Variants in PCDH15 observed in about 807,000 individuals in gnomAD.
PCDH15 encodes protocadherin related 15, also known as protocadherin-15.
Under a neutral mutation model 178.5 loss-of-function variants are expected in PCDH15, and 129 were observed. The observed-to-expected ratio is 0.72, with a 90% confidence interval of 0.63 to 0.84. PCDH15 has a LOEUF of 0.84. Among genes scored for constraint, PCDH15 ranks in the 40% least tolerant of loss-of-function variants. The probability of loss-of-function intolerance (pLI) is 0.00; values close to 1 mark genes in which losing one functional copy is unlikely to be tolerated. For missense variants in PCDH15, 2,230 were observed against 2,099.9 expected (o/e 1.06, Z -1.21); for synonymous variants, 800 against 732.0 (o/e 1.09, Z -1.50).
At chr10:54,358,839 T>G (rs998078417) in intron 5 of PCDH15, among the ~76,000 whole-genome samples, 21 of 151,854 alleles carry the variant, frequency 1.4e-4, no homozygotes, top group African/African-American at 5.1e-4. Flanking sequence ...CCATAAAAAA[T>G]GATGAGTTCA....
chr10:54,855,849 C>A (rs926143186), intron 3 of PCDH15, among the ~76,000 whole-genome samples: 1 of 152,092 alleles, frequency 6.6e-6, no homozygotes, highest in Non-Finnish European at 1.5e-5. Context: ...TTGTCAATAG[C>A]AGAAGTCATT....
chr10:53,958,051 G>A (rs2087808296), intron 23 of PCDH15, among the ~76,000 whole-genome samples: 1 of 152,118 alleles, frequency 6.6e-6, no homozygotes, highest in African/African-American at 2.4e-5. Flanking sequence ...GGTTCAGTGG[G>A]TTAAGTGCTT....
intron 2 of PCDH15, among the ~76,000 whole-genome samples, chr10:54,555,121 G>T (rs1321813420): frequency 2.6e-5 from 4 of 152,248 alleles, no homozygotes; most frequent in African/African-American, 9.6e-5. Context: ...TTAATTCCCT[G>T]ATGTCCCATT....
chr10:54,232,924 C>CTTTTTTTTTTTTTTTT (rs762364718), intron 9 of PCDH15, among the ~76,000 whole-genome samples: 28 of 109,196 alleles, frequency 2.6e-4, no homozygotes, highest in African/African-American at 7.8e-4. Flanking sequence ...AGCTTTCTTT[C>CTTTTTTTTTTTTTTTT]TTTTTTTTTT....
chr10:55,058,074 A>G (rs2131995744), intron 2 of PCDH15, among the ~76,000 whole-genome samples: 1 of 152,280 alleles, frequency 6.6e-6, no homozygotes, highest in African/African-American at 2.4e-5. Context: ...AAGTGTCTTA[A>G]TAATTATGAA....
chr10:54,181,372 ATATT>A (rs1358458055), intron 13 of PCDH15, among the ~76,000 whole-genome samples: 3 of 152,080 alleles, frequency 2.0e-5, no homozygotes, highest in Admixed American at 2.0e-4. Flanking sequence ...TAGCTACACT[ATATT>A]TATTTTATTT....
At position 55,027,203 on chromosome 10, in the gene PCDH15, C is replaced by CT. The variant is rs911584421; in HGVS notation, c.-79-129704dup. ...AACTACGAGGGAGTTTTGTGTTTTTCTTTTTTGGGAAAGGACAGGAGGGTG... is the reference window on the plus strand; with the variant it reads ...AACTACGAGGGAGTTTTGTGTTTTTCTTTTTTTGGGAAAGGACAGGAGGGTG... On this transcript the variant is annotated intron_variant, in intron 2 of 5. Transcript: ENST00000458638. Among the ~76,000 whole-genome samples the CT allele has an allele frequency of 3.4e-4, 51 of 151,820 alleles. 1 individual carries two copies. Among genetic ancestry groups the CT allele is most frequent in the African/African-American group, 1.1e-3 (47 of 41,522 alleles).
intron 3 of PCDH15, among the ~76,000 whole-genome samples, chr10:54,833,116 T>C (rs1953253291): frequency 6.6e-6 from 1 of 152,150 alleles, no homozygotes; most frequent in African/African-American, 2.4e-5. Flanking sequence ...GTTATCTCAT[T>C]TGATTCACCT....
intron 4 of PCDH15, among the ~76,000 whole-genome samples, chr10:54,373,682 A>C (rs1395048829): frequency 6.6e-6 from 1 of 152,004 alleles, no homozygotes; most frequent in Non-Finnish European, 1.5e-5. Flanking sequence ...GTCCTTGGAT[A>C]CTAATAGCAA....
intron 1 of PCDH15, among the ~76,000 whole-genome samples, chr10:55,217,713 G>C (rs866814699): frequency 6.6e-5 from 10 of 151,698 alleles, no homozygotes; most frequent in Admixed American, 1.3e-4. Context: ...AGATACTTCT[G>C]TTAAATGACA....
chr10:55,273,708 A>T (rs370586001), intron 1 of PCDH15, among the ~76,000 whole-genome samples: 1 of 152,058 alleles, frequency 6.6e-6, no homozygotes, highest in African/African-American at 2.4e-5. Flanking sequence ...TATATCAGTC[A>T]CCCAAATTTA....
chr10:53,869,824 G>C (rs577963867), intron 26 of PCDH15, among the ~76,000 whole-genome samples: 1 of 151,760 alleles, frequency 6.6e-6, no homozygotes, highest in South Asian at 2.1e-4. Flanking sequence ...TCATGCACTT[G>C]GAGTCACAAT....
chr10:54,489,238 G>C (rs2079366168), intron 3 of PCDH15, among the ~76,000 whole-genome samples: 1 of 151,926 alleles, frequency 6.6e-6, no homozygotes, highest in Admixed American at 6.6e-5. Context: ...CTCAAATACT[G>C]ATATTAATAT....
intron 2 of PCDH15, among the ~76,000 whole-genome samples, chr10:55,543,347 T>C (rs1841806264): frequency 6.7e-6 from 1 of 148,234 alleles, no homozygotes; most frequent in East Asian, 2.0e-4. Flanking sequence ...CTTAGAATTT[T>C]GTCTCATATT....
Position 54,869,529 on chromosome 10 carries a change from A to T in PCDH15, c.-29+27921T>A, listed in dbSNP as rs373168495. Among the ~76,000 whole-genome samples, 26 of 152,328 alleles carry T rather than the reference A, an allele frequency of 1.7e-4. No individual in the cohort carries two copies. The East Asian group carries it at 2.3e-3, about 14-fold the overall frequency. On this transcript the variant is annotated intron_variant, in intron 3 of 5. Coordinates refer to the PCDH15 transcript ENST00000458638. ...TAGGGGTTAACACTCTGAAATTTAA[A>T]AAGTAGGCTTATATCTCAGAACCAC...
At chr10:54,537,381 C>T (rs1393281108) in intron 2 of PCDH15, among the ~76,000 whole-genome samples, 1 of 152,078 alleles carries the variant, frequency 6.6e-6, no homozygotes, top group African/African-American at 2.4e-5. Flanking sequence ...TGAAACTACT[C>T]TAAAATATCA....
chr10:54,228,927 C>G (rs1260396439), intron 9 of PCDH15, among the ~76,000 whole-genome samples: 1 of 152,290 alleles, frequency 6.6e-6, no homozygotes, highest in African/African-American at 2.4e-5. Flanking sequence ...TCACAAGCAG[C>G]CTTCTCTCTT....
intron 21 of PCDH15, among the ~76,000 whole-genome samples, chr10:53,990,429 T>C (rs1435197707): frequency 6.6e-6 from 1 of 151,154 alleles, no homozygotes; most frequent in Non-Finnish European, 1.5e-5. Flanking sequence ...TTATGGAGCA[T>C]ATTTATTTCA....
chr10:55,499,404 T>C (rs1589084475), intron 2 of PCDH15, among the ~76,000 whole-genome samples: 1 of 136,382 alleles, frequency 7.3e-6, no homozygotes, highest in Non-Finnish European at 1.6e-5. Context: ...AGACTCTCCC[T>C]ACACACACAC....
Sources: gnomAD v4.1 joint callset for allele counts (sites outside exome capture counted in the v4.1 genomes callset) on GRCh38, gnomAD v4.1.1 for gene constraint, MANE v1.5 for transcripts, NCBI Gene and HGNC (gene_info 2026-07-23, HGNC 2026-07-21) for gene names.